Variants in CATSPERT observed in about 807,000 individuals in gnomAD.
CATSPERT encodes cation channel sperm-associated targeting subunit tau.
the CATSPERT span, chr2:201,545,650 A>AG: frequency 2.4e-6 from 2 of 830,774 alleles, no homozygotes; most frequent in African/African-American, 3.7e-5. Flanking sequence ...AAAAAAAAAA[A>AG]AAAGAAAAAA....
chr2:201,594,162 A>G, the CATSPERT span, among the ~76,000 whole-genome samples: 3 of 152,142 alleles, frequency 2.0e-5, no homozygotes, highest in Non-Finnish European at 4.4e-5. Context: ...GAGCTCTTTT[A>G]GGGCAGGCCT....
the CATSPERT span, among the ~76,000 whole-genome samples, chr2:201,608,736 G>A: frequency 0.068 from 10,243 of 151,526 alleles, 506 homozygotes; most frequent in African/African-American, 0.13. Context: ...AGGATCACCT[G>A]AGCCCAGGAG....
chr2:201,520,453 A>T, the CATSPERT span, among the ~76,000 whole-genome samples: 1 of 152,242 alleles, frequency 6.6e-6, no homozygotes, highest in Non-Finnish European at 1.5e-5. Flanking sequence ...TCAAATTTGA[A>T]ATCTTATCTA....
chr2:201,618,860 C>T, the CATSPERT span: 1 of 1,599,778 alleles, frequency 6.3e-7, no homozygotes, highest in South Asian at 1.1e-5. Context: ...CCCTGCTGGC[C>T]CCGGTCCTCC....
chr2:201,604,736 C>A, the CATSPERT span: 1 of 1,440,408 alleles, frequency 6.9e-7, no homozygotes, highest in Non-Finnish European at 9.5e-7. Context: ...AAGAGAAAGA[C>A]AAACATAACT....
chr2:201,495,732 C>G, the CATSPERT span, among the ~76,000 whole-genome samples: 1 of 120,784 alleles, frequency 8.3e-6, no homozygotes. Flanking sequence ...GGTTCTGTTT[C>G]CAAGTTGAGA....
the CATSPERT span, chr2:201,574,123 T>C: frequency 1.3e-5 from 12 of 932,194 alleles, no homozygotes; most frequent in African/African-American, 1.5e-4. Flanking sequence ...TTTTAAACAA[T>C]TGTTCAAACT....
At chr2:201,542,327 A>G in the CATSPERT span, among the ~76,000 whole-genome samples, 204 of 152,336 alleles carry the variant, frequency 1.3e-3, no homozygotes, top group Non-Finnish European at 2.3e-3. Context: ...ATGGCAATAA[A>G]CATAGGAGTG....
At chr2:201,543,795 G>A in the CATSPERT span, among the ~76,000 whole-genome samples, 5 of 151,962 alleles carry the variant, frequency 3.3e-5, no homozygotes, top group Admixed American at 2.0e-4. Flanking sequence ...CCTGCCATCC[G>A]CAAACAAAGA....
chr2:201,515,237 T>TAG, the CATSPERT span, among the ~76,000 whole-genome samples: 2 of 83,610 alleles, frequency 2.4e-5, no homozygotes, highest in African/African-American at 5.5e-5. Flanking sequence ...TTTTTTTTTT[T>TAG]TTTTTTTTTT....
the CATSPERT span, among the ~76,000 whole-genome samples, chr2:201,520,054 G>A: frequency 5.3e-5 from 8 of 152,156 alleles, no homozygotes; most frequent in South Asian, 1.7e-3. Flanking sequence ...CAAGTAAAAA[G>A]CTGTCAAAAG....
the CATSPERT span, among the ~76,000 whole-genome samples, chr2:201,528,699 A>G: frequency 6.6e-6 from 1 of 152,174 alleles, no homozygotes; most frequent in Non-Finnish European, 1.5e-5. Flanking sequence ...TATAAGTGGG[A>G]GCTAAACATT....
At chr2:201,566,810 ATAT>A in the CATSPERT span, among the ~76,000 whole-genome samples, 1 of 152,098 alleles carries the variant, frequency 6.6e-6, no homozygotes, top group African/African-American at 2.4e-5. Flanking sequence ...AACTAGTTTA[ATAT>A]TTTATTTTTA....
chr2:201,571,267 C>T, the CATSPERT span, among the ~76,000 whole-genome samples: 16 of 152,282 alleles, frequency 1.1e-4, no homozygotes, highest in African/African-American at 3.4e-4. Context: ...GGTGAGACTA[C>T]GGGAAAATAA....
At chr2:201,495,156 A>T in the CATSPERT span, among the ~76,000 whole-genome samples, 227 of 148,164 alleles carry the variant, frequency 1.5e-3, 2 homozygotes, top group African/African-American at 5.0e-3. Context: ...AATGTAGGAA[A>T]TTTTTTTTTT....
the CATSPERT span, among the ~76,000 whole-genome samples, chr2:201,508,493 C>A: frequency 6.6e-6 from 1 of 152,176 alleles, no homozygotes; most frequent in Non-Finnish European, 1.5e-5. Flanking sequence ...ATTAATTTTA[C>A]AATGTTAACC....
the CATSPERT span, among the ~76,000 whole-genome samples, chr2:201,501,490 G>C: frequency 6.8e-6 from 1 of 147,180 alleles, no homozygotes; most frequent in Non-Finnish European, 1.5e-5. Flanking sequence ...GCATACATTA[G>C]AATAAGAGCA....
the CATSPERT span, among the ~76,000 whole-genome samples, chr2:201,561,930 C>T: frequency 0.055 from 8,348 of 151,842 alleles, 283 homozygotes; most frequent in African/African-American, 0.08. Flanking sequence ...CTACAACAGC[C>T]TCCTACTTTT....
At chr2:201,512,968 T>C in the CATSPERT span, among the ~76,000 whole-genome samples, 2 of 151,526 alleles carry the variant, frequency 1.3e-5, no homozygotes, top group African/African-American at 4.9e-5. Context: ...CTTTAGGAGA[T>C]ATACCTAAAG....
Sources: allele counts gnomAD v4.1 joint callset (sites outside exome capture counted in the v4.1 genomes callset), GRCh38; gene constraint gnomAD v4.1.1; transcripts MANE v1.5; gene names NCBI Gene and HGNC (gene_info 2026-07-23, HGNC 2026-07-21).